RSRC1: variants seen among roughly 807,000 people sequenced by gnomAD.
RSRC1 encodes arginine and serine rich coiled-coil 1, also known as serine/Arginine-related protein 53.
A neutral mutation model predicts 49.1 loss-of-function variants in RSRC1; 39 were observed. The ratio of observed to expected loss-of-function variants is 0.79; its 90% CI spans 0.61 to 1.04. The LOEUF (loss-of-function observed/expected upper bound fraction) is 1.04. Ranked by LOEUF, RSRC1 falls within the 50% of genes least tolerant of loss-of-function variation. The pLI is 0.00. For synonymous variants in RSRC1, 143 were observed against 130.8 expected (o/e 1.09, Z -0.63); for missense variants, 388 against 402.4 (o/e 0.96, Z 0.31).
chr3:158,397,020 C>A (rs904474655), intron 6 of RSRC1, among the ~76,000 whole-genome samples: 1 of 151,966 alleles, frequency 6.6e-6, no homozygotes, highest in Middle Eastern at 3.2e-3. Flanking sequence ...ATTATTTTAC[C>A]CACAACAGTG....
intron 4 of RSRC1, among the ~76,000 whole-genome samples, chr3:158,261,076 G>A (rs1437046255): frequency 6.6e-6 from 1 of 152,268 alleles, no homozygotes; most frequent in Admixed American, 6.5e-5. Flanking sequence ...ATTTTTGTGT[G>A]GATAGTTGTT....
At chr3:158,495,429 C>T (rs529438290) in intron 7 of RSRC1, among the ~76,000 whole-genome samples, 1 of 152,174 alleles carries the variant, frequency 6.6e-6, no homozygotes, top group South Asian at 2.1e-4. Context: ...GGACTACAGG[C>T]ATGTGCCATC....
Position 158,261,579 on chromosome 3 carries a change from A to G in RSRC1, c.495-36460A>G, listed in dbSNP as rs138836669. On this transcript the variant is annotated intron_variant, in intron 4 of 9. Coordinates refer to ENST00000611884, the MANE Select transcript of RSRC1 (RefSeq NM_001271838.2). ...TAATTGGGATGCACAGCAGGAGGTG[A>G]GTTGTGGAGTAGCAAGCGAAGCTTC... Among the ~76,000 whole-genome samples, 253 of 152,272 alleles carry G rather than the reference A, an allele frequency of 1.7e-3. 4 individuals are homozygous for G. Among genetic ancestry groups the G allele is most frequent in the African/African-American group, 5.8e-3 (243 of 41,564 alleles).
chr3:158,477,514 A>G (rs1482448636), intron 7 of RSRC1, among the ~76,000 whole-genome samples: 1 of 152,100 alleles, frequency 6.6e-6, no homozygotes, highest in Non-Finnish European at 1.5e-5. Context: ...TCAGATGATC[A>G]TTTGCATTTT....
chr3:158,333,573 T>C (rs1249580861), intron 5 of RSRC1, among the ~76,000 whole-genome samples: 3 of 152,304 alleles, frequency 2.0e-5, no homozygotes, highest in South Asian at 2.1e-4. Flanking sequence ...ATTTAATATA[T>C]TTTTTAGGAC....
intron 5 of RSRC1, among the ~76,000 whole-genome samples, chr3:158,304,294 C>G (rs1464155608): frequency 6.6e-6 from 1 of 152,070 alleles, no homozygotes; most frequent in Admixed American, 6.6e-5. Flanking sequence ...AAGCCCTTTC[C>G]TTTCTGTTTT....
In RSRC1 at chr3:158,499,944, G is replaced by C. The variant is rs563782010; in HGVS notation, c.653-37148G>C. 2.6e-5 allele frequency among the ~76,000 whole-genome samples: 4 copies of C among 152,230 alleles called. No homozygotes were observed. The East Asian group carries it at 7.7e-4, about 29-fold the overall frequency. ...GAGTGGGCATCCTTGTCTTGTTCCA[G>C]CTCTCAGAGGGAATGCTTTCAACTC... On this transcript the variant is annotated intron_variant, in intron 7 of 9. Coordinates refer to ENST00000611884, the MANE Select transcript of RSRC1 (RefSeq NM_001271838.2).
intron 6 of RSRC1, among the ~76,000 whole-genome samples, chr3:158,405,438 A>G (rs1297739243): frequency 1.3e-5 from 2 of 152,150 alleles, no homozygotes; most frequent in African/African-American, 4.8e-5. Flanking sequence ...TATATAATGC[A>G]GTACTTCAGA....
chr3:158,455,361 C>T (rs894178917), intron 6 of RSRC1, among the ~76,000 whole-genome samples: 2 of 151,982 alleles, frequency 1.3e-5, no homozygotes, highest in African/African-American at 2.4e-5. Context: ...TTTTCTGAAA[C>T]GGCATGAGTC....
intron 3 of RSRC1, among the ~76,000 whole-genome samples, chr3:158,196,781 C>T (rs901511468): frequency 6.6e-6 from 1 of 152,114 alleles, no homozygotes; most frequent in Non-Finnish European, 1.5e-5. Context: ...GTCATTGGTT[C>T]TGTTAATATG....
chr3:158,460,401 A>T (rs1737548806), intron 6 of RSRC1, among the ~76,000 whole-genome samples: 1 of 151,960 alleles, frequency 6.6e-6, no homozygotes, highest in Non-Finnish European at 1.5e-5. Flanking sequence ...TAGATAATTA[A>T]GTAATAAGGG....
chr3:158,246,842 C>T (rs1169543236), intron 4 of RSRC1, among the ~76,000 whole-genome samples: 1 of 152,092 alleles, frequency 6.6e-6, no homozygotes, highest in African/African-American at 2.4e-5. Context: ...CTTGGATAAT[C>T]TGATAATTAT....
At chr3:158,143,593 C>T (rs931826320) in intron 3 of RSRC1, among the ~76,000 whole-genome samples, 1 of 151,986 alleles carries the variant, frequency 6.6e-6, no homozygotes, top group Non-Finnish European at 1.5e-5. Flanking sequence ...AAAACAATAG[C>T]TTATAAAATT....
intron 3 of RSRC1, among the ~76,000 whole-genome samples, chr3:158,152,467 CTCTG>C (rs1312411512): frequency 6.6e-6 from 1 of 152,132 alleles, no homozygotes; most frequent in African/African-American, 2.4e-5. Flanking sequence ...TAAATGTCTC[CTCTG>C]TCTTTTTCAC....
At chr3:158,133,407 A>G (rs928392985) in intron 3 of RSRC1, among the ~76,000 whole-genome samples, 11 of 152,228 alleles carry the variant, frequency 7.2e-5, no homozygotes, top group African/African-American at 2.4e-4. Flanking sequence ...TGGTAATGCT[A>G]TAAATTTAAA....
At chr3:158,440,172 A>G (rs1736304347) in intron 6 of RSRC1, among the ~76,000 whole-genome samples, 1 of 135,010 alleles carries the variant, frequency 7.4e-6, no homozygotes, top group African/African-American at 2.6e-5. Context: ...AGTGTGGTAT[A>G]TGTAGCAAGT....
chr3:158,198,665 A>G (rs1241327731), intron 3 of RSRC1, among the ~76,000 whole-genome samples: 1 of 151,662 alleles, frequency 6.6e-6, no homozygotes, highest in Non-Finnish European at 1.5e-5. Flanking sequence ...TCCTTCACCC[A>G]CTGTCGTGCA....
chr3:158,376,189 C>CAT (rs1732361066), intron 6 of RSRC1, among the ~76,000 whole-genome samples: 1 of 44,114 alleles, frequency 2.3e-5, no homozygotes, highest in Non-Finnish European at 4.4e-5. Context: ...CCCTTCCTTT[C>CAT]GTTTTTTTTT....
chr3:158,352,932 A>G (rs139708966), intron 5 of RSRC1, among the ~76,000 whole-genome samples: 1 of 152,184 alleles, frequency 6.6e-6, no homozygotes, highest in East Asian at 1.9e-4. Context: ...TATTCAGTAG[A>G]TATCACAGTT....
Sources: gnomAD v4.1 joint callset for allele counts (sites outside exome capture counted in the v4.1 genomes callset) on GRCh38, gnomAD v4.1.1 for gene constraint, MANE v1.5 for transcripts, NCBI Gene and HGNC (gene_info 2026-07-23, HGNC 2026-07-21) for gene names.